The following LPAR1 variants were observed in gnomAD, a reference collection of about 807,000 sequenced individuals.
LPAR1 encodes the protein LPA receptor 1.
In LPAR1, 5 loss-of-function variants were observed where a neutral mutation model predicts 23.8. The observed-to-expected ratio is 0.21, with a 90% CI of 0.11 to 0.44. The LOEUF (loss-of-function observed/expected upper bound fraction) is 0.44, where lower values mean the gene tolerates loss of function less well. Ranked by LOEUF, LPAR1 falls within the 20% of genes least tolerant of loss-of-function variation. LPAR1 has a pLI of 0.99. For synonymous variants in LPAR1, 160 were observed against 164.7 expected (o/e 0.97, Z 0.22); for missense variants, 311 against 482.8 (o/e 0.64, Z 3.33).
chr9:110,902,679 A>T (rs2089693057), intron 5 of LPAR1, among the ~76,000 whole-genome samples: 1 of 151,920 alleles, frequency 6.6e-6, no homozygotes, highest in African/African-American at 2.4e-5. Flanking sequence ...CAAGCCTAAG[A>T]CTCCCTTCCT....
chr9:110,888,669 T>A (rs1269146716), intron 5 of LPAR1, among the ~76,000 whole-genome samples: 3 of 151,228 alleles, frequency 2.0e-5, no homozygotes, highest in Non-Finnish European at 4.4e-5. Context: ...TAGAGGGGAA[T>A]AATATTTGGA....
At chr9:110,940,441 T>C (rs776634345) in intron 5 of LPAR1, among the ~76,000 whole-genome samples, 5 of 152,234 alleles carry the variant, frequency 3.3e-5, no homozygotes, top group East Asian at 1.9e-4. Flanking sequence ...GAACTTTCCA[T>C]TGAATTTCTG....
chr9:111,019,050 T>C (rs989311361), intron 2 of LPAR1, among the ~76,000 whole-genome samples: 2 of 152,168 alleles, frequency 1.3e-5, no homozygotes, highest in Admixed American at 1.3e-4. Context: ...TAGAACATAA[T>C]AGAAATAGGC....
intron 5 of LPAR1, among the ~76,000 whole-genome samples, chr9:110,876,043 C>T (rs768429315): frequency 3.9e-5 from 6 of 152,184 alleles, no homozygotes; most frequent in Non-Finnish European, 4.4e-5. Flanking sequence ...CTTCACCTCA[C>T]ATAACAACAT....
chr9:110,941,393 AG>A lies in LPAR1; in HGVS notation c.793+27del, dbSNP rs745814653. 13 of 1,564,886 alleles carry A rather than the reference AG, an allele frequency of 8.3e-6. No individual in the cohort carries two copies. The highest frequency in any genetic ancestry group is 1.1e-5 in the Non-Finnish European group (13 of 1,156,290). The stretch of plus-strand genomic sequence containing the variant: ...TATGTTAGTCACTGAGAATCTATAA[AG>A]TAAGTTACAGTCAAGACAGAACTTA... On this transcript the variant is annotated intron_variant, in intron 5 of 5. Transcript: ENST00000683809. The surrounding 1 kb of genome is among the most constrained non-coding windows in gnomAD (Gnocchi z 6.1).
intron 4 of LPAR1, among the ~76,000 whole-genome samples, chr9:110,969,870 T>C (rs1588609720): frequency 6.6e-6 from 1 of 152,216 alleles, no homozygotes; most frequent in Non-Finnish European, 1.5e-5. Flanking sequence ...ACATTCCTTA[T>C]ACACTCCTTG....
chr9:110,913,705 A>T (rs1300457070), intron 5 of LPAR1, among the ~76,000 whole-genome samples: 1 of 152,180 alleles, frequency 6.6e-6, no homozygotes, highest in East Asian at 1.9e-4. Context: ...TATGGAAAAT[A>T]AGACTAAAGG....
intron 5 of LPAR1, among the ~76,000 whole-genome samples, chr9:110,887,150 AT>A (rs1479241784): frequency 6.6e-6 from 1 of 151,900 alleles, no homozygotes; most frequent in Non-Finnish European, 1.5e-5. Flanking sequence ...AATCCTGTGG[AT>A]TTTTTTTCTT....
At chr9:110,890,128 TGAA>T (rs1281946812) in intron 5 of LPAR1, among the ~76,000 whole-genome samples, 2 of 152,134 alleles carry the variant, frequency 1.3e-5, no homozygotes, top group Admixed American at 6.5e-5. Context: ...CCATAGATGA[TGAA>T]GTTCACACAA....
intron 5 of LPAR1, among the ~76,000 whole-genome samples, chr9:110,918,217 C>A (rs2093354259): frequency 6.6e-6 from 1 of 152,026 alleles, no homozygotes; most frequent in East Asian, 1.9e-4. Flanking sequence ...ACTGCACCAG[C>A]CAAATCCTTT....
intron 2 of LPAR1, among the ~76,000 whole-genome samples, chr9:110,991,037 A>G (rs549584877): frequency 4.7e-4 from 72 of 152,290 alleles, no homozygotes; most frequent in African/African-American, 1.6e-3. Context: ...ATAAACTGAA[A>G]AAACCAACTG....
At position 110,972,217 on chromosome 9, in the gene LPAR1, G is replaced by A. The variant is rs1335642779; in HGVS notation, c.-100C>T. On this transcript the variant is annotated 5_prime_UTR_variant, in exon 4 of 6. Transcript: ENST00000683809. ...TCGAAGTCATGCTAGGAGAAGCTGTGTACCTGGAAAACAACAGGAAAACCC... is the reference window on the plus strand; with the variant it reads ...TCGAAGTCATGCTAGGAGAAGCTGTATACCTGGAAAACAACAGGAAAACCC... 4.7e-6 allele frequency: 5 copies of A among 1,058,070 alleles called. No homozygotes were observed. The highest frequency in any genetic ancestry group is 1.6e-5 in the African/African-American group (1 of 63,904). 65.5% of individuals were successfully genotyped at this position (1,058,070 alleles called of 1,614,324 possible). A position where few individuals can be genotyped will look rare whatever the true frequency, so the allele number is the denominator to read the frequency against.
rs535275786 is a variant in LPAR1 at position 110,991,475 on chromosome 9, C to G, written c.-181-17917G>C. 6.6e-5 allele frequency among the ~76,000 whole-genome samples: 10 copies of G among 152,308 alleles called. No individual in the cohort carries two copies. The South Asian group carries it at 2.1e-3, about 32-fold the overall frequency. ...TCTGTAATCTATAACTAGATAGACTCTTGCACCCAAACTTTGATGTGATTT... is the reference window on the plus strand; with the variant it reads ...TCTGTAATCTATAACTAGATAGACTGTTGCACCCAAACTTTGATGTGATTT... On this transcript the variant is annotated intron_variant, in intron 2 of 5. Transcript: ENST00000683809.
chr9:111,010,420 A>G (rs1263995824), intron 2 of LPAR1, among the ~76,000 whole-genome samples: 1 of 152,086 alleles, frequency 6.6e-6, no homozygotes, highest in Non-Finnish European at 1.5e-5. Flanking sequence ...GATTCTTGGG[A>G]ACCAGAGCAG....
chr9:111,001,039 C>T (rs1445997742), intron 2 of LPAR1, among the ~76,000 whole-genome samples: 1 of 152,118 alleles, frequency 6.6e-6, no homozygotes, highest in Non-Finnish European at 1.5e-5. Flanking sequence ...AAATGCTGAG[C>T]TGTTTTAAAT....
chr9:111,027,447 G>A (rs773205696), intron 2 of LPAR1, among the ~76,000 whole-genome samples: 1 of 152,176 alleles, frequency 6.6e-6, no homozygotes, highest in Non-Finnish European at 1.5e-5. Flanking sequence ...GCCACAGTGA[G>A]CTATGACTGA....
At chr9:110,875,828 T>C in intron 5 of LPAR1, 106 bp from the exon 6 acceptor site, 1 of 577,180 alleles carries the variant, frequency 1.7e-6, no homozygotes, top group Non-Finnish European at 2.7e-6. Flanking sequence ...AATATAAAAA[T>C]ACTGAAGTTG....
At chr9:111,032,891 G>C (rs930331539) in intron 2 of LPAR1, among the ~76,000 whole-genome samples, 1 of 152,092 alleles carries the variant, frequency 6.6e-6, no homozygotes, top group African/African-American at 2.4e-5. Context: ...CCCATGGCCA[G>C]GTATTATTAG....
intron 4 of LPAR1, among the ~76,000 whole-genome samples, chr9:110,953,658 G>T (rs1252772020): frequency 2.4e-5 from 3 of 125,006 alleles, no homozygotes; most frequent in Non-Finnish European, 5.0e-5. Flanking sequence ...AGTGAAACTT[G>T]GTCTCAAAAA....
Sources: gnomAD v4.1 joint callset for allele counts (sites outside exome capture counted in the v4.1 genomes callset) on GRCh38, gnomAD v4.1.1 for gene constraint, Gnocchi (gnomAD v3.1) non-coding constraint, MANE v1.5 for transcripts, NCBI Gene and HGNC (gene_info 2026-07-23, HGNC 2026-07-21) for gene names.